Variants in AP1B1 observed in about 807,000 individuals in gnomAD.
The protein encoded by AP1B1 is adaptor related protein complex 1 subunit beta 1, also known as AP-1 complex subunit beta-1.
A neutral mutation model predicts 104.3 loss-of-function variants in AP1B1; 36 were observed. That is an observed-to-expected ratio of 0.35 (90% CI 0.26 to 0.46). The LOEUF (loss-of-function observed/expected upper bound fraction) is 0.46. AP1B1 is among the 20% of genes least tolerant of loss of function. AP1B1 has a pLI of 1.00. For missense variants in AP1B1, 901 were observed against 1,247.9 expected (o/e 0.72, Z 4.19); for synonymous variants, 504 against 517.5 (o/e 0.97, Z 0.35).
In AP1B1 at chr22:29,331,516, G is replaced by T; in HGVS notation, c.2457C>A (p.Asn819Lys). The change falls in exon 19 of 23, where the codon AAC (asparagine) becomes AAA (lysine). Residue 819 changes from asparagine (N) to lysine (K), a missense_variant. Asn to Lys is a moderately conservative substitution (Grantham distance 94). Transcript: ENST00000357586. Reference protein sequence around the residue: ...LNNLQVAVKNNIDVFYFSTLY... With the variant: ...LNNLQVAVKNKIDVFYFSTLY... ...AGGTGCTGAAGTAGAAGACATCGAT[G>T]TTGTTCTTCACGGCCACCTAGGCAC... The T allele has an allele frequency of 6.2e-7, 1 of 1,614,204 alleles. No homozygotes were observed. The highest frequency in any genetic ancestry group is 8.5e-7 in the Non-Finnish European group (1 of 1,180,040).
At chr22:29,332,967 A>T (rs896934755) in intron 17 of AP1B1, among the ~76,000 whole-genome samples, 7 of 152,246 alleles carry the variant, frequency 4.6e-5, no homozygotes, top group African/African-American at 1.7e-4. Context: ...CAATACTCCC[A>T]AAGCCGGTGC....
At chr22:29,375,132 CA>C (rs2062314663) in intron 1 of AP1B1, among the ~76,000 whole-genome samples, 1 of 152,100 alleles carries the variant, frequency 6.6e-6, no homozygotes, top group African/African-American at 2.4e-5. Flanking sequence ...AGGTGGATCA[CA>C]AGGTCAGGAG....
At chr22:29,381,341 A>G (rs2062433268) in intron 1 of AP1B1, among the ~76,000 whole-genome samples, 3 of 152,128 alleles carry the variant, frequency 2.0e-5, no homozygotes, top group Non-Finnish European at 4.4e-5. Flanking sequence ...CTCCCCCTAT[A>G]AATTCCCTAA....
intron 2 of AP1B1, among the ~76,000 whole-genome samples, chr22:29,363,625 C>T (rs544629033): frequency 2.0e-5 from 3 of 149,954 alleles, no homozygotes; most frequent in Non-Finnish European, 3.0e-5. Context: ...TCCAGCCTGG[C>T]GACAGGGCCA....
Position 29,377,797 on chromosome 22 carries a change from C to T in AP1B1, c.-27-10527G>A, listed in dbSNP as rs1208690846. Among the ~76,000 whole-genome samples, 6 of 145,582 alleles carry T rather than the reference C, an allele frequency of 4.1e-5. No homozygotes were observed. The South Asian group carries it at 6.5e-4, about 16-fold the overall frequency. ...CTGTACTCCAGCCTGGGTGACAGTG[C>T]GAGACTCTGTCTCAAAAAAAAAAAA... On this transcript the variant is annotated intron_variant, in intron 1 of 22. Transcript: ENST00000357586.
chr22:29,344,766 A>T (rs896823477), intron 11 of AP1B1, among the ~76,000 whole-genome samples: 2 of 151,746 alleles, frequency 1.3e-5, no homozygotes, highest in African/African-American at 4.8e-5. Flanking sequence ...TGATCCACCC[A>T]CCTCGGCCTC....
intron 21 of AP1B1, chr22:29,330,117 AC>A (rs2061534715): frequency 7.1e-7 from 1 of 1,418,376 alleles, no homozygotes; most frequent in Non-Finnish European, 9.2e-7. Flanking sequence ...TGCCAAACCA[AC>A]TGCACCACCT....
rs2062572443 is a variant in AP1B1, at chr22:29,388,524, G to GGCGGCTCGGAGCCCC, written c.-143_-129dup. 1 of 152,220 alleles carries GGCGGCTCGGAGCCCC rather than the reference G, an allele frequency of 6.6e-6. No homozygotes were observed. The highest frequency in any genetic ancestry group is 1.5e-5 in the Non-Finnish European group (1 of 68,062). 9.4% of individuals were successfully genotyped at this position (152,220 alleles called of 1,614,324 possible). A position where few individuals can be genotyped will look rare whatever the true frequency, so the allele number is the denominator to read the frequency against. On this transcript the variant is annotated 5_prime_UTR_variant, in exon 1 of 23. Transcript: ENST00000357586. ...GCTCTCCCGGTGCGTCCGGGCTGCC[G>GGCGGCTCGGAGCCCC]GCGGCTCGGAGCCCCGCGGCTGTCA...
At chr22:29,370,634 C>T (rs369763388) in intron 1 of AP1B1, 5 of 152,134 alleles carry the variant, frequency 3.3e-5, no homozygotes, top group African/African-American at 1.2e-4. Context: ...ATTCCCAGGA[C>T]GCAACCTGCT....
Position 29,340,695 on chromosome 22 carries a change from C to A in AP1B1, c.1959G>T (p.Met653Ile). ...CACCGCCAAGAAGGTCCACAGCTCC[C>A]ATCTGCACCGAGGAGGTGGCCAGGG... ...GPPLATSSVQ[M>I]GAVDLLGGGL... The change falls in exon 14 of 23, where the codon ATG becomes ATT. Residue 653 changes from methionine (M) to isoleucine (I), a missense_variant. Met to Ile is a conservative substitution (Grantham distance 10). This residue lies in a region of AP1B1 where 424 missense variants were observed against 494.0 expected (regional missense o/e 0.86). Coordinates refer to ENST00000357586, the MANE Select transcript of AP1B1 (RefSeq NM_001127.4). The A allele has an allele frequency of 6.3e-7, 1 of 1,582,144 alleles. No homozygotes were observed. Among genetic ancestry groups the A allele is most frequent in the East Asian group, 2.3e-5 (1 of 43,674 alleles).
chr22:29,350,599 T>C (rs1384720037), intron 9 of AP1B1, among the ~76,000 whole-genome samples: 2 of 152,186 alleles, frequency 1.3e-5, no homozygotes, highest in Admixed American at 6.5e-5. Flanking sequence ...GACGGCATCA[T>C]AGGCTCCAGG....
chr22:29,359,937 T>G lies in AP1B1; in HGVS notation c.166A>C (p.Asn56His), dbSNP rs2062017858. 2 of 1,613,792 alleles carry G rather than the reference T, an allele frequency of 1.2e-6. No individual in the cohort carries two copies. The highest frequency in any genetic ancestry group is 1.7e-6 in the Non-Finnish European group (2 of 1,179,844). Residue 56 changes from asparagine (N) to histidine (H), a missense_variant, in exon 4 of 23, where the codon AAC becomes CAC. By Grantham distance (68) the Asn-to-His change is moderately conservative. Around this residue, in one of 3 missense-constraint regions of AP1B1, gnomAD observed 471 missense variants for 696.7 expected, o/e 0.68. Coordinates refer to ENST00000357586, the MANE Select transcript of AP1B1 (RefSeq NM_001127.4). ...TCCAGGTTGTCCGTCTGCATGCAGT[T>G]GACCACATCGGGGAAGAGGGCACTG... ...DVSALFPDVV[N>H]CMQTDNLELK...
chr22:29,343,157 G>A (rs921056752), intron 11 of AP1B1, among the ~76,000 whole-genome samples: 2 of 152,216 alleles, frequency 1.3e-5, no homozygotes, highest in African/African-American at 4.8e-5. Flanking sequence ...ACATCTATGC[G>A]AGAACAAGTC....
chr22:29,370,178 C>T (rs138147597), intron 1 of AP1B1, among the ~76,000 whole-genome samples: 7,794 of 152,054 alleles, frequency 0.051, 294 homozygotes, highest in African/African-American at 0.11. Flanking sequence ...AGTGGCCGGG[C>T]GTGGTGGCTC....
At chr22:29,382,122 T>C (rs1224911843) in intron 1 of AP1B1, among the ~76,000 whole-genome samples, 1 of 152,102 alleles carries the variant, frequency 6.6e-6, no homozygotes, top group Non-Finnish European at 1.5e-5. Flanking sequence ...AGGGGTGTGA[T>C]CATAGCTCAC....
In AP1B1 at chr22:29,342,291, G is replaced by GGCCAA; in HGVS notation, c.1525_1529dup (p.Thr511TrpfsTer52). 1 of 1,613,640 alleles carries GGCCAA rather than the reference G, an allele frequency of 6.2e-7. No homozygotes were observed. Among genetic ancestry groups the GGCCAA allele is most frequent in the Non-Finnish European group, 8.5e-7 (1 of 1,179,758 alleles). On this transcript the variant is annotated frameshift_variant, in exon 12 of 23. Transcript: ENST00000357586. LOFTEE classifies it high-confidence loss of function. ...GGGAGGTTGGGGCACCCACCTGAGT[G>GGCCAA]GCCAAACTGAGGACCTGCTGCACCA...
At chr22:29,359,067 G>A in intron 4 of AP1B1, 96 bp from the exon 5 acceptor site, 24 of 1,256,354 alleles carry the variant, frequency 1.9e-5, no homozygotes, top group Non-Finnish European at 2.6e-5. Flanking sequence ...CTGCTAGGCT[G>A]AGCGACATCA....
At chr22:29,373,348 A>AG (rs754416262) in intron 1 of AP1B1, among the ~76,000 whole-genome samples, 4 of 152,230 alleles carry the variant, frequency 2.6e-5, no homozygotes, top group African/African-American at 4.8e-5. Context: ...TCTTCTGACA[A>AG]GGGCTAATGT....
intron 1 of AP1B1, among the ~76,000 whole-genome samples, chr22:29,381,476 C>A (rs949748741): frequency 2.0e-5 from 3 of 152,130 alleles, no homozygotes; most frequent in African/African-American, 7.2e-5. Flanking sequence ...TCTTCTTGGG[C>A]AAATTTCATG....
Sources: gnomAD v4.1 joint callset for allele counts (sites outside exome capture counted in the v4.1 genomes callset) on GRCh38, gnomAD v4.1.1 for gene constraint, gnomAD v4.1.1 regional missense constraint, MANE v1.5 for transcripts, NCBI Gene and HGNC (gene_info 2026-07-23, HGNC 2026-07-21) for gene names.